The following CPVL variants were observed in gnomAD, a reference collection of about 807,000 sequenced individuals.
The protein encoded by CPVL is carboxypeptidase vitellogenic like.
Under a neutral mutation model 63.7 loss-of-function variants are expected in CPVL, and 51 were observed. That is an observed-to-expected ratio of 0.80 (90% CI 0.64 to 1.01). The LOEUF (loss-of-function observed/expected upper bound fraction) is 1.01. Ranked by LOEUF, CPVL falls within the 50% of genes least tolerant of loss-of-function variation. The pLI, the probability that CPVL is intolerant of heterozygous loss-of-function variation, is 0.00. For missense variants in CPVL, 530 were observed against 573.1 expected (o/e 0.92, Z 0.77); for synonymous variants, 195 against 206.0 (o/e 0.95, Z 0.46).
intron 11 of CPVL, among the ~76,000 whole-genome samples, chr7:29,050,733 G>A (rs1183655676): frequency 6.8e-6 from 1 of 147,906 alleles, no homozygotes; most frequent in Non-Finnish European, 1.5e-5. Context: ...CACAGAATTC[G>A]AAAAGCCAAT....
intron 1 of CPVL, among the ~76,000 whole-genome samples, chr7:29,145,587 T>C (rs936088962): frequency 8.2e-5 from 12 of 147,088 alleles, no homozygotes; most frequent in African/African-American, 3.2e-4. Context: ...ACCATAGACT[T>C]CATCATCAAT....
intron 6 of CPVL, among the ~76,000 whole-genome samples, chr7:29,089,065 GCTT>G (rs939095414): frequency 2.0e-4 from 30 of 152,312 alleles, no homozygotes; most frequent in African/African-American, 6.5e-4. Flanking sequence ...CAAGAAGCAT[GCTT>G]CTTCTTGGTG....
At chr7:29,097,432 T>C (rs1181561660) in intron 3 of CPVL, among the ~76,000 whole-genome samples, 2 of 152,172 alleles carry the variant, frequency 1.3e-5, no homozygotes, top group Admixed American at 6.5e-5. Context: ...CGGTGACTCA[T>C]GCCTGTAATC....
chr7:29,020,734 A>G (rs1030758692), intron 12 of CPVL, among the ~76,000 whole-genome samples: 2 of 152,246 alleles, frequency 1.3e-5, no homozygotes, highest in South Asian at 2.1e-4. Flanking sequence ...TAAAGCACAA[A>G]TTAATAAAAG....
intron 5 of CPVL, among the ~76,000 whole-genome samples, chr7:29,174,104 G>A (rs913223573): frequency 2.0e-4 from 30 of 152,156 alleles, no homozygotes; most frequent in African/African-American, 6.8e-4. Context: ...TCTTGAGGAA[G>A]ACTAGGGCAG....
intron 11 of CPVL, among the ~76,000 whole-genome samples, chr7:29,054,719 C>T (rs1790533261): frequency 6.6e-6 from 1 of 152,064 alleles, no homozygotes; most frequent in Non-Finnish European, 1.5e-5. Flanking sequence ...TTCATTCTTT[C>T]TGTTCTTACC....
chr7:29,129,310 T>C (rs931194590), intron 1 of CPVL, among the ~76,000 whole-genome samples: 1 of 152,164 alleles, frequency 6.6e-6, no homozygotes, highest in Non-Finnish European at 1.5e-5. Flanking sequence ...AGTACAAGGA[T>C]GGCACCTGTT....
chr7:29,008,137 C>T (rs2128132065), intron 12 of CPVL, among the ~76,000 whole-genome samples: 1 of 152,158 alleles, frequency 6.6e-6, no homozygotes, highest in East Asian at 1.9e-4. Flanking sequence ...CCTCACAAGG[C>T]AAGAGGAGGG....
intron 1 of CPVL, chr7:29,194,993 G>A: frequency 1.9e-6 from 3 of 1,586,878 alleles, no homozygotes; most frequent in African/African-American, 1.4e-5. Context: ...GTCCTCCGGT[G>A]AGTTTCAGCC....
chr7:29,091,025 G>T (rs774115191), intron 6 of CPVL, among the ~76,000 whole-genome samples: 3 of 152,186 alleles, frequency 2.0e-5, no homozygotes, highest in Non-Finnish European at 4.4e-5. Context: ...GTCACAAAGG[G>T]AAATGAATAG....
chr7:29,102,135 G>C (rs1787205578), intron 3 of CPVL, among the ~76,000 whole-genome samples: 5 of 152,138 alleles, frequency 3.3e-5, no homozygotes, highest in South Asian at 2.1e-4. Context: ...TTGAATTCCA[G>C]CTATGCTATT....
At chr7:29,009,876 A>T (rs1785631586) in intron 12 of CPVL, 1 of 152,192 alleles carries the variant, frequency 6.6e-6, no homozygotes, top group Non-Finnish European at 1.5e-5. Context: ...CTTAGACAGC[A>T]TGGTAAATAT....
intron 5 of CPVL, among the ~76,000 whole-genome samples, chr7:29,152,348 G>T (rs1793710223): frequency 6.6e-6 from 1 of 152,132 alleles, no homozygotes; most frequent in African/African-American, 2.4e-5. Context: ...CTACACCTAG[G>T]AGCACCAAGC....
intron 11 of CPVL, among the ~76,000 whole-genome samples, chr7:29,048,301 T>G (rs1274446442): frequency 6.6e-6 from 1 of 152,064 alleles, no homozygotes; most frequent in Non-Finnish European, 1.5e-5. Context: ...ACCAACCAAC[T>G]ATCTGCTGCC....
At chr7:29,071,728 A>AC in intron 9 of CPVL, 45 bp downstream of exon 9, 1 of 542,028 alleles carries the variant, frequency 1.8e-6, no homozygotes, top group Non-Finnish European at 3.2e-6. Flanking sequence ...CCCTCCCCAG[A>AC]TGGTTTTAAT....
intron 5 of CPVL, among the ~76,000 whole-genome samples, chr7:29,157,310 C>T (rs1794518508): frequency 6.6e-6 from 1 of 152,094 alleles, no homozygotes; most frequent in Non-Finnish European, 1.5e-5. Context: ...TTTAATCAAC[C>T]TCAAAATTGC....
chr7:29,092,585 G>C, intron 6 of CPVL, 38 bp downstream of exon 6: 2 of 1,419,778 alleles, frequency 1.4e-6, no homozygotes, highest in Non-Finnish European at 2.0e-6. Context: ...AAAAATGTTT[G>C]GTCTTAGGAA....
intron 11 of CPVL, among the ~76,000 whole-genome samples, chr7:29,033,528 G>A (rs1269312103): frequency 6.6e-6 from 1 of 152,198 alleles, no homozygotes; most frequent in African/African-American, 2.4e-5. Context: ...CCCTGGACAG[G>A]AGTTGCCCAG....
At chr7:29,106,380 G>C (rs1021036076) in intron 3 of CPVL, among the ~76,000 whole-genome samples, 1 of 152,102 alleles carries the variant, frequency 6.6e-6, no homozygotes, top group African/African-American at 2.4e-5. Context: ...CACCTGGACA[G>C]AGCCAGGGAT....
Sources: allele counts gnomAD v4.1 joint callset (sites outside exome capture counted in the v4.1 genomes callset), GRCh38; gene constraint gnomAD v4.1.1; transcripts MANE v1.5; gene names NCBI Gene and HGNC (gene_info 2026-07-23, HGNC 2026-07-21).